CAMTA1: variants seen among roughly 807,000 people sequenced by gnomAD.
CAMTA1 encodes calmodulin-binding transcription activator 1.
Under a neutral mutation model 170.9 loss-of-function variants are expected in CAMTA1, and 27 were observed. That is an observed-to-expected ratio of 0.16 (90% confidence interval 0.12 to 0.22). CAMTA1 has a LOEUF of 0.22. Ranked by LOEUF, CAMTA1 falls within the 10% of genes least tolerant of loss-of-function variation. The probability of loss-of-function intolerance (pLI) is 1.00; values close to 1 mark genes in which losing one functional copy is unlikely to be tolerated. For missense variants in CAMTA1, 1,619 were observed against 2,217.2 expected (o/e 0.73, Z 5.42); for synonymous variants, 833 against 891.5 (o/e 0.93, Z 1.17).
At chr1:7,451,157 C>T (rs2092815313) in intron 5 of CAMTA1, among the ~76,000 whole-genome samples, 1 of 152,208 alleles carries the variant, frequency 6.6e-6, no homozygotes, top group South Asian at 2.1e-4. Flanking sequence ...ACTGAGCCAG[C>T]CCCATCTCTC....
intron 3 of CAMTA1, among the ~76,000 whole-genome samples, chr1:7,048,783 G>A (rs1434643369): frequency 6.6e-6 from 1 of 152,186 alleles, no homozygotes; most frequent in Non-Finnish European, 1.5e-5. Flanking sequence ...GGACCTGCAG[G>A]TGTGTGCAGA....
intron 5 of CAMTA1, among the ~76,000 whole-genome samples, chr1:7,314,589 A>G (rs1299731637): frequency 1.3e-5 from 2 of 152,220 alleles, no homozygotes; most frequent in African/African-American, 2.4e-5. Context: ...ATAATTCTAA[A>G]CCAAGTGAGC....
chr1:7,386,402 T>A (rs1393847630), intron 5 of CAMTA1, among the ~76,000 whole-genome samples: 1 of 152,154 alleles, frequency 6.6e-6, no homozygotes, highest in Non-Finnish European at 1.5e-5. Flanking sequence ...CTGTAGCCAC[T>A]CAGTCATCCC....
chr1:6,958,709 CA>C (rs1300319301), intron 3 of CAMTA1, among the ~76,000 whole-genome samples: 1 of 152,256 alleles, frequency 6.6e-6, no homozygotes, highest in Non-Finnish European at 1.5e-5. Flanking sequence ...CACCCCTCTG[CA>C]GCTTCCCGAG....
intron 3 of CAMTA1, among the ~76,000 whole-genome samples, chr1:7,045,687 A>G (rs1224681407): frequency 6.6e-6 from 1 of 152,264 alleles, no homozygotes; most frequent in Non-Finnish European, 1.5e-5. Context: ...CTTTTAGAGC[A>G]CATTGTGCTG....
At chr1:7,171,383 G>T (rs554189792) in intron 4 of CAMTA1, among the ~76,000 whole-genome samples, 1 of 152,224 alleles carries the variant, frequency 6.6e-6, no homozygotes, top group African/African-American at 2.4e-5. Context: ...CCTGCCCCTT[G>T]TTCACCTGGT....
intron 3 of CAMTA1, among the ~76,000 whole-genome samples, chr1:7,049,883 C>T (rs148988147): frequency 1.3e-5 from 2 of 152,246 alleles, no homozygotes; most frequent in African/African-American, 4.8e-5. Flanking sequence ...TTAAAGCAGC[C>T]CAGAGTCTCT....
rs576661192 is a variant in CAMTA1, at chr1:7,757,546, CA to C, written c.4989+1879del. ...CTTTGGGAGGCCGAGGCAGCCGGAT[CA>C]CTTGAGGTCAGGAGTTCGAGACCAG... On this transcript the variant is annotated intron_variant, in intron 22 of 22. Transcript: ENST00000303635. 3.5e-3 allele frequency among the ~76,000 whole-genome samples: 532 copies of C among 152,226 alleles called. 1 individual carries two copies. The highest frequency in any genetic ancestry group is 6.0e-3 in the Non-Finnish European group (408 of 68,010).
chr1:6,832,088 TA>T (rs1231197600), intron 3 of CAMTA1, among the ~76,000 whole-genome samples: 2 of 151,930 alleles, frequency 1.3e-5, no homozygotes, highest in Admixed American at 1.3e-4. Context: ...TATTTTTTTT[TA>T]TTTTTTTTTT....
At chr1:7,551,276 C>T (rs2094798258) in intron 6 of CAMTA1, among the ~76,000 whole-genome samples, 2 of 147,830 alleles carry the variant, frequency 1.4e-5, no homozygotes, top group African/African-American at 5.1e-5. Flanking sequence ...AGCTGCAGGG[C>T]CAAAGGACAT....
rs550836802 is a variant in CAMTA1, at chr1:7,404,483, G to A, written c.439-63347G>A. Among the ~76,000 whole-genome samples, 5 of 152,352 alleles carry A rather than the reference G, an allele frequency of 3.3e-5. No homozygotes were observed. In the East Asian group the frequency reaches 5.8e-4, roughly 18 times the overall value. Reference sequence around the variant, plus strand: ...AGACCACCTTTTGTGCGGGCTTCCCGAGGAGAGTGGCCTGTTGCCACGCAC... The same window carrying A: ...AGACCACCTTTTGTGCGGGCTTCCCAAGGAGAGTGGCCTGTTGCCACGCAC... On this transcript the variant is annotated intron_variant, in intron 5 of 22. Transcript: ENST00000303635.
chr1:7,107,144 A>T (rs1482494887), intron 4 of CAMTA1, among the ~76,000 whole-genome samples: 1 of 152,130 alleles, frequency 6.6e-6, no homozygotes, highest in Non-Finnish European at 1.5e-5. Flanking sequence ...CTGTGGGGTT[A>T]CAAAGGCAGT....
At position 7,736,307 on chromosome 1, in the gene CAMTA1, T is replaced by C. The variant is rs2096772089; in HGVS notation, c.3067-37T>C. ...AAGCGCTGATGGGGTCGAGGGCCTT[T>C]AGTCCTGAGGTCGTAACGTGCGCTT... is the stretch of plus-strand genomic sequence containing the variant. On this transcript the variant is annotated intron_variant, in intron 12 of 22. Transcript: ENST00000303635. This position sits in a 1 kb window ranked among gnomAD's most constrained non-coding sequence, Gnocchi z 4.5. The C allele has an allele frequency of 6.3e-7, 1 of 1,593,258 alleles. No homozygotes were observed. Among genetic ancestry groups the C allele is most frequent in the Non-Finnish European group, 8.6e-7 (1 of 1,165,876 alleles).
intron 1 of CAMTA1, among the ~76,000 whole-genome samples, chr1:6,816,810 G>A (rs1453591754): frequency 6.6e-6 from 1 of 152,212 alleles, no homozygotes; most frequent in African/African-American, 2.4e-5. Flanking sequence ...GGCGCCTAGA[G>A]GGAGATCAAA....
chr1:7,324,173 A>G (rs1026054074), intron 5 of CAMTA1, among the ~76,000 whole-genome samples: 1 of 152,148 alleles, frequency 6.6e-6, no homozygotes. Context: ...TTAAGGCTAT[A>G]TTGTTGGGTG....
intron 3 of CAMTA1, among the ~76,000 whole-genome samples, chr1:6,941,739 A>G (rs748335279): frequency 4.6e-4 from 70 of 152,354 alleles, no homozygotes; most frequent in Admixed American, 2.1e-3. Context: ...GCAGTCCTGC[A>G]GTGCAGGTGA....
chr1:7,176,579 A>T (rs1165748480), intron 4 of CAMTA1, among the ~76,000 whole-genome samples: 1 of 152,102 alleles, frequency 6.6e-6, no homozygotes, highest in East Asian at 1.9e-4. Context: ...ACTGCTTCTG[A>T]TTCTACAGCT....
intron 3 of CAMTA1, among the ~76,000 whole-genome samples, chr1:7,004,684 T>C (rs1462289085): frequency 1.3e-5 from 2 of 152,180 alleles, no homozygotes; most frequent in Non-Finnish European, 2.9e-5. Context: ...TTATCCCCCA[T>C]CCTCCTCAAA....
chr1:7,603,858 G>A (rs2095465560), intron 6 of CAMTA1, among the ~76,000 whole-genome samples: 1 of 152,156 alleles, frequency 6.6e-6, no homozygotes, highest in Non-Finnish European at 1.5e-5. Context: ...TCCTTCAGGA[G>A]CTCTTTTAGG....
Sources: allele counts gnomAD v4.1 joint callset (sites outside exome capture counted in the v4.1 genomes callset), GRCh38; gene constraint gnomAD v4.1.1; non-coding constraint Gnocchi (gnomAD v3.1); transcripts MANE v1.5; gene names NCBI Gene and HGNC (gene_info 2026-07-23, HGNC 2026-07-21).